TMPRSS7: variants seen among roughly 807,000 people sequenced by gnomAD.
TMPRSS7 encodes the protein transmembrane protease serine 7.
TMPRSS7 carries 81 observed loss-of-function variants against 95.6 expected under a neutral mutation model. That is an observed-to-expected ratio of 0.85 (90% CI 0.71 to 1.02). The LOEUF (loss-of-function observed/expected upper bound fraction) is 1.02. Among genes scored for constraint, TMPRSS7 ranks in the 50% least tolerant of loss-of-function variants. The pLI is 0.00. For missense variants in TMPRSS7, 945 were observed against 955.2 expected (o/e 0.99, Z 0.14); for synonymous variants, 364 against 337.8 (o/e 1.08, Z -0.85).
At chr3:112,049,222 G>A (rs1319646229) in intron 7 of TMPRSS7, among the ~76,000 whole-genome samples, 1 of 152,136 alleles carries the variant, frequency 6.6e-6, no homozygotes, top group African/African-American at 2.4e-5. Flanking sequence ...GACCTCACAA[G>A]GAGTACTTAA....
intron 13 of TMPRSS7, 139 bp downstream of exon 13, chr3:112,066,641 A>G (rs1272647025): frequency 1.4e-6 from 1 of 721,266 alleles, no homozygotes; most frequent in African/African-American, 1.8e-5. Context: ...TTTAGCACTG[A>G]AAGTCCCTTG....
chr3:112,055,137 G>A (rs991031184), intron 9 of TMPRSS7, among the ~76,000 whole-genome samples: 3 of 152,092 alleles, frequency 2.0e-5, no homozygotes, highest in South Asian at 2.1e-4. Context: ...GTAAACATAA[G>A]AGAATCCTTT....
At chr3:112,045,150 A>AC (rs563121184) in intron 4 of TMPRSS7, among the ~76,000 whole-genome samples, 24 of 152,070 alleles carry the variant, frequency 1.6e-4, no homozygotes, top group Admixed American at 1.4e-3. Context: ...AATGGTTTTA[A>AC]TTTTTTTTCT....
chr3:112,042,370 C>T (rs984908281), intron 3 of TMPRSS7, among the ~76,000 whole-genome samples: 6 of 152,084 alleles, frequency 3.9e-5, no homozygotes, highest in Non-Finnish European at 7.4e-5. Context: ...AGATGCATAC[C>T]GATTAATTCC....
exon 15 of TMPRSS7, chr3:112,075,424 C>A: frequency 6.4e-7 from 1 of 1,553,330 alleles, no homozygotes; most frequent in South Asian, 1.2e-5. Context: ...TTGGATCTGC[C>A]TACTGTGGTG....
At chr3:112,067,066 G>A (rs2073586833) in intron 13 of TMPRSS7, among the ~76,000 whole-genome samples, 1 of 152,164 alleles carries the variant, frequency 6.6e-6, no homozygotes, top group African/African-American at 2.4e-5. Flanking sequence ...ACCTATAAGT[G>A]AGAACATGCA....
At chr3:112,046,300 A>G (rs2073277189) in intron 5 of TMPRSS7, among the ~76,000 whole-genome samples, 1 of 152,214 alleles carries the variant, frequency 6.6e-6, no homozygotes, top group Non-Finnish European at 1.5e-5. Context: ...TTGCCCAGAC[A>G]GAACTGTCCC....
In TMPRSS7 at chr3:112,040,607, C is replaced by T. The variant is rs141561778; in HGVS notation, c.299-1313C>T. Among the ~76,000 whole-genome samples the T allele has an allele frequency of 2.8e-3, 427 of 152,252 alleles. 1 individual carries two copies. Among genetic ancestry groups the T allele is most frequent in the Admixed American group, 4.6e-3 (70 of 15,290 alleles). ...ACAACCCCAACCCAGAACAAAGAAG[C>T]TTATTTGCCGTGGTTTCTCTGCTGT... is the stretch of plus-strand genomic sequence containing the variant. On this transcript the variant is annotated intron_variant, in intron 2 of 17. Coordinates refer to ENST00000452346, the Ensembl canonical transcript of TMPRSS7.
chr3:112,051,920 G>A (rs892701076), intron 9 of TMPRSS7, among the ~76,000 whole-genome samples: 11 of 151,984 alleles, frequency 7.2e-5, no homozygotes, highest in Admixed American at 3.3e-4. Flanking sequence ...TGTTGTTTGC[G>A]TTTATTCAAC....
intron 9 of TMPRSS7, among the ~76,000 whole-genome samples, chr3:112,054,409 T>C (rs2073404085): frequency 6.6e-6 from 1 of 152,234 alleles, no homozygotes; most frequent in South Asian, 2.1e-4. Context: ...TTGCAATGCA[T>C]TGTGAAACTA....
intron 13 of TMPRSS7, among the ~76,000 whole-genome samples, chr3:112,069,550 T>A (rs572241842): frequency 1.1e-3 from 171 of 152,336 alleles, no homozygotes; most frequent in Non-Finnish European, 1.2e-3. Flanking sequence ...TGGTTTAGTC[T>A]TGGGAGGGTA....
chr3:112,080,562 C>T (rs879365884), intron 17 of TMPRSS7, among the ~76,000 whole-genome samples: 931 of 80,500 alleles, frequency 0.012, 6 homozygotes, highest in Non-Finnish European at 0.018. Flanking sequence ...ACTACTACTA[C>T]TACTACTATT....
At chr3:112,047,316 C>T (rs2073291391) in intron 6 of TMPRSS7, 3 of 604,706 alleles carry the variant, frequency 5.0e-6, no homozygotes, top group Non-Finnish European at 9.2e-6. Flanking sequence ...GTATTTGTAA[C>T]AAGGACCACC....
At chr3:112,058,530 A>T (rs1272226740) in intron 10 of TMPRSS7, among the ~76,000 whole-genome samples, 1 of 152,244 alleles carries the variant, frequency 6.6e-6, no homozygotes, top group Non-Finnish European at 1.5e-5. Context: ...AGCAAAAAAT[A>T]CTAGCTATTA....
At chr3:112,058,317 G>C (rs1576110989) in intron 10 of TMPRSS7, among the ~76,000 whole-genome samples, 1 of 152,126 alleles carries the variant, frequency 6.6e-6, no homozygotes, top group East Asian at 1.9e-4. Flanking sequence ...ATTGTTTTGG[G>C]GAGTGTAATT....
chr3:112,077,123 T>C (rs758546220), exon 16 of TMPRSS7: 3 of 1,614,068 alleles, frequency 1.9e-6, no homozygotes, highest in Non-Finnish European at 2.5e-6. Flanking sequence ...GGTAACTGGC[T>C]GGGGGCGAAG....
intron 2 of TMPRSS7, among the ~76,000 whole-genome samples, chr3:112,039,367 T>C (rs1354816963): frequency 6.6e-6 from 1 of 152,250 alleles, no homozygotes; most frequent in Non-Finnish European, 1.5e-5. Flanking sequence ...TTGGTTTATA[T>C]ACATACATTT....
At chr3:112,059,312 A>T (rs952830645) in intron 10 of TMPRSS7, among the ~76,000 whole-genome samples, 5 of 151,944 alleles carry the variant, frequency 3.3e-5, no homozygotes, top group Middle Eastern at 3.2e-3. Context: ...TAGTTTCCTC[A>T]CTTGTCATGT....
intron 9 of TMPRSS7, among the ~76,000 whole-genome samples, chr3:112,052,159 T>C (rs1363081404): frequency 6.6e-6 from 1 of 151,444 alleles, no homozygotes; most frequent in Non-Finnish European, 1.5e-5. Context: ...ATAGCCTGAG[T>C]TGGGGGTGGG....
Sources: gnomAD v4.1 joint callset for allele counts (sites outside exome capture counted in the v4.1 genomes callset) on GRCh38, gnomAD v4.1.1 for gene constraint, MANE v1.5 for transcripts, NCBI Gene and HGNC (gene_info 2026-07-23, HGNC 2026-07-21) for gene names.